Variants in KIAA1328 observed in about 807,000 individuals in gnomAD.
The protein encoded by KIAA1328 is KIAA1328, also known as protein hinderin.
A neutral mutation model predicts 68.1 loss-of-function variants in KIAA1328; 52 were observed. That is an observed-to-expected ratio of 0.76 (90% CI 0.61 to 0.96). KIAA1328 has a LOEUF of 0.96. Among genes scored for constraint, KIAA1328 ranks in the 40% least tolerant of loss-of-function variants. The probability of loss-of-function intolerance (pLI) is 0.00; values close to 1 mark genes in which losing one functional copy is unlikely to be tolerated. For synonymous variants in KIAA1328, 232 were observed against 239.4 expected, an observed-to-expected ratio of 0.97 and a Z score of 0.28; for missense variants, 641 against 677.6, an observed-to-expected ratio of 0.95 and a Z score of 0.60.
intron 7 of KIAA1328, among the ~76,000 whole-genome samples, chr18:37,098,566 T>G (rs554756525): frequency 2.6e-5 from 4 of 152,298 alleles, no homozygotes; most frequent in Admixed American, 2.0e-4. Flanking sequence ...CAGGCTTTGG[T>G]ACCAGGATGA....
intron 7 of KIAA1328, among the ~76,000 whole-genome samples, chr18:37,157,407 T>G (rs1457059501): frequency 6.6e-6 from 1 of 152,170 alleles, no homozygotes; most frequent in Non-Finnish European, 1.5e-5. Flanking sequence ...TTAAAAATAT[T>G]TTTGTATATT....
chr18:37,021,938 G>A (rs1002967681), intron 6 of KIAA1328, among the ~76,000 whole-genome samples: 2 of 152,078 alleles, frequency 1.3e-5, no homozygotes, highest in African/African-American at 4.8e-5. Context: ...TACTCAGGAG[G>A]CTGAGGCAGG....
At chr18:37,027,291 G>A (rs1437925334) in intron 6 of KIAA1328, among the ~76,000 whole-genome samples, 1 of 152,128 alleles carries the variant, frequency 6.6e-6, no homozygotes, top group Non-Finnish European at 1.5e-5. Context: ...TGGCCATATT[G>A]CCCAAGGTAA....
chr18:36,916,810 C>T (rs2049720294), intron 5 of KIAA1328, among the ~76,000 whole-genome samples: 1 of 152,050 alleles, frequency 6.6e-6, no homozygotes, highest in African/African-American at 2.4e-5. Flanking sequence ...GACAGAGTCT[C>T]GCTATGTTGC....
At chr18:36,928,751 G>A (rs1019184615) in intron 5 of KIAA1328, among the ~76,000 whole-genome samples, 1 of 152,156 alleles carries the variant, frequency 6.6e-6, no homozygotes, top group Non-Finnish European at 1.5e-5. Context: ...GAAGTTCTTT[G>A]AGCTTCTTTG....
chr18:36,949,115 C>T (rs951416888), intron 5 of KIAA1328, among the ~76,000 whole-genome samples: 1 of 152,048 alleles, frequency 6.6e-6, no homozygotes, highest in African/African-American at 2.4e-5. Context: ...ATGATGGCAG[C>T]TTTTTTTCTT....
intron 9 of KIAA1328, among the ~76,000 whole-genome samples, chr18:37,205,139 CAA>C (rs1376854483): frequency 3.9e-5 from 6 of 152,278 alleles, no homozygotes; most frequent in African/African-American, 1.4e-4. Context: ...TGAAAGAAAG[CAA>C]AGTCTCACTA....
chr18:37,143,463 C>T (rs1337896805), intron 7 of KIAA1328, among the ~76,000 whole-genome samples: 1 of 150,230 alleles, frequency 6.7e-6, no homozygotes, highest in Non-Finnish European at 1.5e-5. Context: ...AATCTCATTG[C>T]CTGTGAATAA....
chr18:37,098,963 C>G (rs113544760), intron 7 of KIAA1328, among the ~76,000 whole-genome samples: 1 of 152,024 alleles, frequency 6.6e-6, no homozygotes, highest in Middle Eastern at 3.2e-3. Context: ...ATTCTTCTCT[C>G]TTTTCTTCTT....
rs2150753470 is a variant in KIAA1328, at chr18:36,832,186, A to C, written c.59-2134A>C. ...AGATGAAAATACATTACAAATTATT[A>C]GAAAGGATAGAGGCAATTTCAAATA... On this transcript the variant is annotated intron_variant, in intron 1 of 9. Transcript: ENST00000280020. Among the ~76,000 whole-genome samples, 3 of 152,340 alleles carry C rather than the reference A, an allele frequency of 2.0e-5. No homozygotes were observed. In the Middle Eastern group the frequency reaches 0.01, roughly 518 times the overall value.
intron 1 of KIAA1328, among the ~76,000 whole-genome samples, chr18:36,831,270 T>A (rs1212436627): frequency 6.6e-6 from 1 of 152,220 alleles, no homozygotes; most frequent in Non-Finnish European, 1.5e-5. Flanking sequence ...GTTTCCATCA[T>A]GAGAGGACAG....
intron 6 of KIAA1328, among the ~76,000 whole-genome samples, chr18:36,991,260 A>G (rs1185687408): frequency 6.6e-6 from 1 of 152,160 alleles, no homozygotes; most frequent in Non-Finnish European, 1.5e-5. Flanking sequence ...GCTGCATAGT[A>G]TTCTGTTAGA....
At chr18:37,091,289 C>T (rs2057260059) in intron 7 of KIAA1328, among the ~76,000 whole-genome samples, 1 of 152,106 alleles carries the variant, frequency 6.6e-6, no homozygotes, top group Non-Finnish European at 1.5e-5. Context: ...CTCTGAGGCA[C>T]AGAAGGAGAG....
At chr18:36,834,217 C>A in intron 1 of KIAA1328, 103 bp from the exon 2 acceptor site, 1 of 1,267,302 alleles carries the variant, frequency 7.9e-7, no homozygotes, top group Non-Finnish European at 1.0e-6. Flanking sequence ...TTACAAATTC[C>A]CAGGTCAAAA....
At chr18:36,925,444 G>A (rs1294342705) in intron 5 of KIAA1328, among the ~76,000 whole-genome samples, 2 of 152,106 alleles carry the variant, frequency 1.3e-5, no homozygotes, top group Admixed American at 1.3e-4. Context: ...AAACAAATTT[G>A]GAACCTTTTC....
At chr18:36,933,673 G>A (rs2050394925) in intron 5 of KIAA1328, among the ~76,000 whole-genome samples, 1 of 152,256 alleles carries the variant, frequency 6.6e-6, no homozygotes, top group Non-Finnish European at 1.5e-5. Context: ...GGCACCAGCT[G>A]TTCTAGGGGA....
chr18:36,995,073 A>G (rs553156669), intron 6 of KIAA1328, among the ~76,000 whole-genome samples: 25 of 152,140 alleles, frequency 1.6e-4, no homozygotes, highest in Middle Eastern at 3.4e-3. Flanking sequence ...CATCACCTAC[A>G]TTAGGTATTT....
At position 37,185,720 on chromosome 18, in the gene KIAA1328, TACAC is replaced by T. The variant is rs34348149; in HGVS notation, c.1523+12656_1523+12659del. ...ATATACGTATATACCTACTGATATA[TACAC>T]ACACACACACACACACGTACACACA... is the stretch of plus-strand genomic sequence containing the variant. On this transcript the variant is annotated intron_variant, in intron 9 of 9. Coordinates refer to ENST00000280020, the MANE Select transcript of KIAA1328 (RefSeq NM_020776.3). 1.7e-4 allele frequency among the ~76,000 whole-genome samples: 26 copies of T among 149,574 alleles called. No individual in the cohort carries two copies. In the Middle Eastern group the frequency reaches 0.017, roughly 100 times the overall value.
chr18:36,913,643 GATT>G (rs2049564133), intron 5 of KIAA1328, among the ~76,000 whole-genome samples: 1 of 151,662 alleles, frequency 6.6e-6, no homozygotes, highest in South Asian at 2.1e-4. Flanking sequence ...TGTAGCCAAG[GATT>G]ATTGTCTCCA....
Sources: gnomAD v4.1 joint callset for allele counts (sites outside exome capture counted in the v4.1 genomes callset) on GRCh38, gnomAD v4.1.1 for gene constraint, MANE v1.5 for transcripts, NCBI Gene and HGNC (gene_info 2026-07-23, HGNC 2026-07-21) for gene names.